NRL: variants seen among roughly 807,000 people sequenced by gnomAD.
NRL encodes neural retina-specific leucine zipper protein.
Under a neutral mutation model 12.5 loss-of-function variants are expected in NRL, and 16 were observed. The ratio of observed to expected loss-of-function variants is 1.28; its 90% CI spans 0.87 to 1.95. The LOEUF (loss-of-function observed/expected upper bound fraction) is 1.95, where lower values mean the gene tolerates loss of function less well. Ranked by LOEUF, NRL falls within the 30% of genes most tolerant of loss-of-function variation. The pLI is 0.00. For synonymous variants in NRL, 142 were observed against 150.9 expected (o/e 0.94, Z 0.43); for missense variants, 314 against 325.8 (o/e 0.96, Z 0.28).
chr14:24,108,587 C>T (rs1250357959), intron 1 of NRL, among the ~76,000 whole-genome samples: 1 of 151,870 alleles, frequency 6.6e-6, no homozygotes, highest in Non-Finnish European at 1.5e-5. Flanking sequence ...CTGCCTCAGC[C>T]TCTCAAAGTG....
chr14:24,105,502 GGTCAA>G (rs1438546386), intron 1 of NRL, among the ~76,000 whole-genome samples: 1 of 152,254 alleles, frequency 6.6e-6, no homozygotes, highest in East Asian at 1.9e-4. Context: ...GGCACAGAGA[GGTCAA>G]GTAATTTGTC....
At chr14:24,095,360 G>C in intron 1 of NRL, 2 of 408,260 alleles carry the variant, frequency 4.9e-6, no homozygotes, top group South Asian at 3.5e-5. Context: ...ACTTCCCTCT[G>C]AGGCAGGAAC....
At position 24,085,822 on chromosome 14, in the gene NRL, T is replaced by C. The variant is rs192996633; in HGVS notation, c.-27-2947A>G. 7.2e-5 allele frequency among the ~76,000 whole-genome samples: 11 copies of C among 152,340 alleles called. No individual in the cohort carries two copies. Among genetic ancestry groups the C allele is most frequent in the Non-Finnish European group, 1.0e-4 (7 of 68,024 alleles). ...GCAGCATCCATATCACCTGGGAACT[T>C]GCTAGAAATACATGTTACCTGATCT... On this transcript the variant is annotated intron_variant, in intron 1 of 2. Transcript: ENST00000561028. The surrounding 1 kb of genome is among the most constrained non-coding windows in gnomAD (Gnocchi z 4.1).
chr14:24,110,841 C>A (rs1196100241), intron 1 of NRL, among the ~76,000 whole-genome samples: 1 of 152,200 alleles, frequency 6.6e-6, no homozygotes, highest in Non-Finnish European at 1.5e-5. Flanking sequence ...ATAAGAAATT[C>A]TCCTGGGAAG....
At chr14:24,099,768 C>G (rs1207111842) in intron 1 of NRL, 1 of 1,567,812 alleles carries the variant, frequency 6.4e-7, no homozygotes, top group Non-Finnish European at 8.8e-7. Flanking sequence ...TTGTCAGAGC[C>G]TCGGGGTCTC....
intron 1 of NRL, among the ~76,000 whole-genome samples, chr14:24,108,320 A>C (rs1384503067): frequency 6.6e-6 from 1 of 152,148 alleles, no homozygotes; most frequent in East Asian, 1.9e-4. Context: ...TCATACTGAC[A>C]TGTTCTATTC....
At chr14:24,088,327 G>C (rs1334011306) in intron 1 of NRL, among the ~76,000 whole-genome samples, 1 of 152,244 alleles carries the variant, frequency 6.6e-6, no homozygotes, top group South Asian at 2.1e-4. Context: ...GAGGTCAAAG[G>C]GTAGACAAGG....
intron 1 of NRL, among the ~76,000 whole-genome samples, chr14:24,083,798 C>G (rs2036394161): frequency 6.6e-6 from 1 of 152,196 alleles, no homozygotes; most frequent in African/African-American, 2.4e-5. Context: ...ATGCACATAG[C>G]ACAAGAGCAT....
chr14:24,091,865 G>A (rs1300617621), intron 1 of NRL, among the ~76,000 whole-genome samples: 1 of 152,084 alleles, frequency 6.6e-6, no homozygotes, highest in East Asian at 1.9e-4. Flanking sequence ...TTTAGAGCAG[G>A]AATGAAAGAA....
intron 1 of NRL, chr14:24,099,048 G>C: frequency 6.3e-7 from 1 of 1,598,606 alleles, no homozygotes; most frequent in Non-Finnish European, 8.6e-7. Context: ...ATTGTCCCCA[G>C]GGGAGCCAGT....
chr14:24,081,402 T>C lies in NRL; in HGVS notation c.548A>G (p.Gln183Arg). 6.7e-7 allele frequency: 1 copy of C among 1,492,388 alleles called. No homozygotes were observed. The highest frequency in any genetic ancestry group is 8.9e-7 in the Non-Finnish European group (1 of 1,123,400). The allele number at this position is 1,492,388 out of a possible 1,614,324, so 92.4% of individuals were successfully genotyped here. The change falls in exon 3 of 3, where the codon CAG becomes CGG. Residue 183 changes from glutamine (Q) to arginine (R), a missense_variant. Coordinates refer to ENST00000561028, the MANE Select transcript of NRL (RefSeq NM_001354768.3). The surrounding 1 kb of genome is among the most constrained non-coding windows in gnomAD (Gnocchi z 4.4). ...AQACRSKRLQQRRGLEAERAR... is the reference protein window; with the variant it reads ...AQACRSKRLQRRRGLEAERAR... ...GCGCTCGGCCTCCAGCCCGCGCCGC[T>C]GCTGCAGCCGCTTGGAGCGACAGGC...
Position 24,094,548 on chromosome 14 carries a change from G to C in NRL, c.-27-11673C>G. ...TCCGCCAGGTTTCCCATCCTAGGCG[G>C]AGGCGGGCAGGGGCGACTGCTGTGG... On this transcript the variant is annotated intron_variant, in intron 1 of 2. Transcript: ENST00000561028. The surrounding 1 kb of genome is among the most constrained non-coding windows in gnomAD (Gnocchi z 4.1). The C allele has an allele frequency of 6.9e-7, 1 of 1,440,392 alleles. No individual in the cohort carries two copies. The highest frequency in any genetic ancestry group is 9.1e-7 in the Non-Finnish European group (1 of 1,101,822). 89.2% of individuals were successfully genotyped at this position (1,440,392 alleles called of 1,614,324 possible).
chr14:24,102,092 G>A (rs184087972), intron 1 of NRL, among the ~76,000 whole-genome samples: 33 of 152,254 alleles, frequency 2.2e-4, no homozygotes, highest in Non-Finnish European at 4.4e-4. Context: ...GCCAGGCATG[G>A]TGGTGGGTGC....
rs1451845572 is a variant in NRL at position 24,114,791 on chromosome 14, G to A, written c.-97C>T. ...GCGGGGCCGTCGTGTGACGTTTGCA[G>A]CCCGCCGGCCAGGAAGCCGCGAGAT... On this transcript the variant is annotated 5_prime_UTR_variant, in exon 1 of 3. Coordinates refer to ENST00000561028, the MANE Select transcript of NRL (RefSeq NM_001354768.3). 2 of 985,858 alleles carry A rather than the reference G, an allele frequency of 2.0e-6. No homozygotes were observed. Among genetic ancestry groups the A allele is most frequent in the Non-Finnish European group, 2.4e-6 (2 of 829,980 alleles). The allele number at this position is 985,858 out of a possible 1,614,324, so 61.1% of individuals were successfully genotyped here. A position where few individuals can be genotyped will look rare whatever the true frequency, so the allele number is the denominator to read the frequency against.
intron 1 of NRL, chr14:24,103,536 G>A: frequency 6.4e-7 from 1 of 1,560,466 alleles, no homozygotes; most frequent in Non-Finnish European, 8.7e-7. Context: ...CGACCCATTT[G>A]CCATGCGGCC....
intron 1 of NRL, among the ~76,000 whole-genome samples, chr14:24,091,807 T>C (rs2036640128): frequency 6.6e-6 from 1 of 152,150 alleles, no homozygotes; most frequent in Non-Finnish European, 1.5e-5. Context: ...TATAAAATAT[T>C]CATGAATAAT....
rs965924817 is a variant in NRL at position 24,094,271 on chromosome 14, T to C, written c.-27-11396A>G. Reference sequence around the variant, plus strand: ...CCCTACCAGGTTCCGCCCCCGCGCCTGCCCCCCTCCTTTTTAAGCGCCTCC... The same window carrying C: ...CCCTACCAGGTTCCGCCCCCGCGCCCGCCCCCCTCCTTTTTAAGCGCCTCC... On this transcript the variant is annotated intron_variant, in intron 1 of 2. Coordinates refer to ENST00000561028, the MANE Select transcript of NRL (RefSeq NM_001354768.3). This position sits in a 1 kb window ranked among gnomAD's most constrained non-coding sequence, Gnocchi z 4.1. The C allele has an allele frequency of 5.2e-5, 42 of 810,322 alleles. No homozygotes were observed. The highest frequency in any genetic ancestry group is 7.2e-5 in the Non-Finnish European group (37 of 515,498). 50.2% of individuals were successfully genotyped at this position (810,322 alleles called of 1,614,324 possible).
intron 1 of NRL, among the ~76,000 whole-genome samples, chr14:24,112,439 G>A (rs2037435255): frequency 6.8e-6 from 1 of 146,588 alleles, no homozygotes; most frequent in African/African-American, 2.5e-5. Context: ...GAGTGAACAG[G>A]CAACCTACAA....
At chr14:24,104,075 T>A in intron 1 of NRL, 1 of 702,666 alleles carries the variant, frequency 1.4e-6, no homozygotes, top group Non-Finnish European at 2.5e-6. Context: ...CAATGTGCCA[T>A]AGACCTTCCC....
Sources: gnomAD v4.1 joint callset for allele counts (sites outside exome capture counted in the v4.1 genomes callset) on GRCh38, gnomAD v4.1.1 for gene constraint, Gnocchi (gnomAD v3.1) non-coding constraint, MANE v1.5 for transcripts, NCBI Gene and HGNC (gene_info 2026-07-23, HGNC 2026-07-21) for gene names.